EDAR: variants seen among roughly 807,000 people sequenced by gnomAD.
The protein encoded by EDAR is ectodysplasin A receptor.
EDAR carries 38 observed loss-of-function variants against 51.3 expected under a neutral mutation model. That is an observed-to-expected ratio of 0.74 (90% CI 0.57 to 0.97). EDAR has a LOEUF of 0.97. Among genes scored for constraint, EDAR ranks in the 50% least tolerant of loss-of-function variants. The pLI, the probability that EDAR is intolerant of heterozygous loss-of-function variation, is 0.00. For missense variants in EDAR, 528 were observed against 595.0 expected, an observed-to-expected ratio of 0.89 and a Z score of 1.17; for synonymous variants, 227 against 242.1, an observed-to-expected ratio of 0.94 and a Z score of 0.58.
intron 1 of EDAR, 34 bp from the exon 2 acceptor site, chr2:108,931,066 G>A (rs757463264): frequency 2.0e-5 from 32 of 1,587,134 alleles, no homozygotes; most frequent in African/African-American, 1.5e-4. Flanking sequence ...GGGCACTGGC[G>A]GTAGCACCCC....
intron 11 of EDAR, among the ~76,000 whole-genome samples, 177 bp from the exon 12 acceptor site, chr2:108,897,406 G>A (rs141855822): frequency 2.4e-4 from 36 of 151,998 alleles, no homozygotes; most frequent in South Asian, 1.0e-3. Flanking sequence ...CACCTAGAAC[G>A]CTGCCAGCCA....
At chr2:108,925,587 G>C (rs1697237917) in intron 4 of EDAR, among the ~76,000 whole-genome samples, 1 of 152,114 alleles carries the variant, frequency 6.6e-6, no homozygotes, top group African/African-American at 2.4e-5. Context: ...AACCTATCAA[G>C]TCACTCAGTT....
At chr2:108,946,919 A>G (rs1427753222) in intron 1 of EDAR, among the ~76,000 whole-genome samples, 1 of 151,854 alleles carries the variant, frequency 6.6e-6, no homozygotes, top group Non-Finnish European at 1.5e-5. Flanking sequence ...TTTCAAAACC[A>G]ATCATGCCTT....
chr2:108,950,351 A>C (rs79645854), intron 1 of EDAR, among the ~76,000 whole-genome samples: 1,579 of 151,650 alleles, frequency 0.01, 24 homozygotes, highest in African/African-American at 0.036. Flanking sequence ...TTTGGGCTCG[A>C]ATGATCCTCC....
At chr2:108,915,796 C>T (rs1380557899) in intron 5 of EDAR, among the ~76,000 whole-genome samples, 1 of 151,992 alleles carries the variant, frequency 6.6e-6, no homozygotes, top group African/African-American at 2.4e-5. Context: ...ACTGGGGAGG[C>T]TGAGGCAAGA....
rs72937991 is a variant in EDAR at position 108,957,296 on chromosome 2, C to T, written c.-18-26264G>A. On this transcript the variant is annotated intron_variant, in intron 1 of 11. Coordinates refer to ENST00000258443, the MANE Select transcript of EDAR (RefSeq NM_022336.4). ...ACAGATGAAAGCCTGGAAACAGCAACGCCTCTTGTTTATGGGCAGAGATGA... is the reference window on the plus strand; with the variant it reads ...ACAGATGAAAGCCTGGAAACAGCAATGCCTCTTGTTTATGGGCAGAGATGA... 9.9e-4 allele frequency among the ~76,000 whole-genome samples: 151 copies of T among 152,314 alleles called. 1 individual carries two copies. Among genetic ancestry groups the T allele is most frequent in the African/African-American group, 3.3e-3 (136 of 41,568 alleles).
At chr2:108,987,640 C>T (rs983144869) in intron 1 of EDAR, among the ~76,000 whole-genome samples, 1 of 152,244 alleles carries the variant, frequency 6.6e-6, no homozygotes, top group Non-Finnish European at 1.5e-5. Flanking sequence ...TATCCTCCAA[C>T]TGTGCTGTCA....
chr2:108,898,000 CAAAAATCTGGA>C (rs1398805717), intron 11 of EDAR, among the ~76,000 whole-genome samples: 1 of 152,034 alleles, frequency 6.6e-6, no homozygotes, highest in Non-Finnish European at 1.5e-5. Context: ...CAGAAAAGTC[CAAAAATCTGGA>C]AATAATAGCA....
At position 108,897,158 on chromosome 2, in the gene EDAR, A is replaced by G; in HGVS notation, c.1096T>C (p.Ser366Pro). The G allele has an allele frequency of 1.2e-6, 2 of 1,613,854 alleles. No homozygotes were observed. Among genetic ancestry groups the G allele is most frequent in the Non-Finnish European group, 1.7e-6 (2 of 1,180,032 alleles). The change falls in exon 12 of 12, where the codon TCT becomes CCT. Residue 366 changes from serine to proline, a missense_variant. Transcript: ENST00000258443. Reference sequence around the variant, plus strand: ...CACGTTTTCACAACAGCCTTCTCAGAGTTGTACGTGGAGCTGAGCATTCGG... The same window carrying G: ...CACGTTTTCACAACAGCCTTCTCAGGGTTGTACGTGGAGCTGAGCATTCGG... ...TSRMLSSTYN[S>P]EKAVVKTWRH...
chr2:108,952,986 T>TA (rs1298630815), intron 1 of EDAR, among the ~76,000 whole-genome samples: 4 of 152,346 alleles, frequency 2.6e-5, no homozygotes, highest in Non-Finnish European at 5.9e-5. Context: ...GAGGTCTTTT[T>TA]AAAAAACGTT....
intron 2 of EDAR, among the ~76,000 whole-genome samples, chr2:108,930,662 C>A (rs554573287): frequency 6.6e-6 from 1 of 152,134 alleles, no homozygotes; most frequent in Non-Finnish European, 1.5e-5. Flanking sequence ...CTTAGCTGCG[C>A]GGCCCCCAAG....
rs1276649946 is a variant in EDAR at position 108,959,322 on chromosome 2, T to C, written c.-18-28290A>G. On this transcript the variant is annotated intron_variant, in intron 1 of 11. Coordinates refer to ENST00000258443, the MANE Select transcript of EDAR (RefSeq NM_022336.4). The stretch of plus-strand genomic sequence containing the variant: ...CAGCCTGGTGGATGGAGAGATGACC[T>C]GGTGTTGGAGATTTGTTTTCCCAAA... Among the ~76,000 whole-genome samples the C allele has an allele frequency of 2.0e-5, 3 of 152,174 alleles. No individual in the cohort carries two copies. In the East Asian group the frequency reaches 5.8e-4, roughly 29 times the overall value.
chr2:108,982,549 CA>C (rs1373476518), intron 1 of EDAR, among the ~76,000 whole-genome samples: 1 of 152,242 alleles, frequency 6.6e-6, no homozygotes, highest in African/African-American at 2.4e-5. Context: ...TATTTGCCTT[CA>C]AAAGCAACAA....
rs367933425 is a variant in EDAR at position 108,931,023 on chromosome 2, A to G, written c.-9T>C. 4.2e-5 allele frequency: 68 copies of G among 1,614,044 alleles called. 1 individual carries two copies. In the African/African-American group the frequency reaches 8.4e-4, roughly 20 times the overall value. ...TCCCCCACATGGGCCATCCTCTCCC[A>G]AGGGCTCACCTGAAAGACATGCGTC... On this transcript the variant is annotated 5_prime_UTR_variant, in exon 2 of 12. Transcript: ENST00000258443.
intron 3 of EDAR, 27 bp downstream of exon 3, chr2:108,930,093 C>G: frequency 6.2e-7 from 1 of 1,605,976 alleles, no homozygotes; most frequent in Non-Finnish European, 8.5e-7. Flanking sequence ...GAGAGCGCAC[C>G]AGGCTCCAGG....
At chr2:108,926,777 G>A (rs1215796396) in intron 4 of EDAR, among the ~76,000 whole-genome samples, 2 of 152,314 alleles carry the variant, frequency 1.3e-5, no homozygotes, top group East Asian at 1.9e-4. Context: ...CTGCCAAACC[G>A]CAGGCAGGGG....
intron 11 of EDAR, among the ~76,000 whole-genome samples, chr2:108,899,181 AACG>A (rs1361473147): frequency 2.6e-5 from 3 of 115,612 alleles, no homozygotes; most frequent in African/African-American, 1.6e-4. Context: ...AAAGAAAAAC[AACG>A]CCTGACCTAG....
At chr2:108,932,190 C>A (rs1697376913) in intron 1 of EDAR, among the ~76,000 whole-genome samples, 1 of 152,106 alleles carries the variant, frequency 6.6e-6, no homozygotes, top group Non-Finnish European at 1.5e-5. Context: ...CTGCAACAGC[C>A]TAAAGGCATT....
In EDAR at chr2:108,910,989, TGAG is replaced by T; in HGVS notation, c.610_612del (p.Leu204del). On this transcript the variant is annotated inframe_deletion, in exon 7 of 12. Coordinates refer to ENST00000258443, the MANE Select transcript of EDAR (RefSeq NM_022336.4). The stretch of plus-strand genomic sequence containing the variant: ...GTCTTCAGGATGTAGAACATGATGA[TGAG>T]GACGATGGCGATGGCCATGATGAAG... 6.2e-7 allele frequency: 1 copy of T among 1,613,982 alleles called. No individual in the cohort carries two copies. Among genetic ancestry groups the T allele is most frequent in the Non-Finnish European group, 8.5e-7 (1 of 1,179,988 alleles).
Sources: gnomAD v4.1 joint callset for allele counts (sites outside exome capture counted in the v4.1 genomes callset) on GRCh38, gnomAD v4.1.1 for gene constraint, MANE v1.5 for transcripts, NCBI Gene and HGNC (gene_info 2026-07-23, HGNC 2026-07-21) for gene names.